NCALD: variants seen among roughly 807,000 people sequenced by gnomAD.
NCALD encodes the protein neurocalcin delta.
A neutral mutation model predicts 18.6 loss-of-function variants in NCALD; 10 were observed. The observed-to-expected ratio is 0.54, with a 90% confidence interval of 0.33 to 0.91. NCALD has a LOEUF of 0.91. Ranked by LOEUF, NCALD falls within the 40% of genes least tolerant of loss-of-function variation. NCALD has a pLI of 0.03. For missense variants in NCALD, 184 were observed against 247.6 expected, an observed-to-expected ratio of 0.74 and a Z score of 1.72; for synonymous variants, 88 against 87.4, an observed-to-expected ratio of 1.01 and a Z score of -0.04.
intron 1 of NCALD, among the ~76,000 whole-genome samples, chr8:102,036,575 G>T (rs1822873279): frequency 6.6e-6 from 1 of 152,106 alleles, no homozygotes; most frequent in Admixed American, 6.6e-5. Context: ...AGGAGTTTGA[G>T]ACCAGCTTGG....
chr8:102,057,666 A>G (rs1330938527), intron 1 of NCALD, among the ~76,000 whole-genome samples: 7 of 152,174 alleles, frequency 4.6e-5, no homozygotes, highest in Admixed American at 3.9e-4. Context: ...ATGATTTACT[A>G]TTCTTCCCAG....
Position 101,804,865 on chromosome 8 carries a change from G to C in NCALD, c.-20+82276C>G, listed in dbSNP as rs111701806. On this transcript the variant is annotated intron_variant, in intron 4 of 6. Transcript: ENST00000311028. ...GTTCACTTTCACTTTATTGCAGTGG[G>C]CTGGAATCAAACCTGCAATACCTCT... 5.8e-3 allele frequency among the ~76,000 whole-genome samples: 870 copies of C among 151,052 alleles called. 11 individuals are homozygous for C. Among genetic ancestry groups the C allele is most frequent in the African/African-American group, 0.019 (765 of 41,078 alleles).
chr8:101,842,269 G>A (rs1256897757), intron 4 of NCALD, among the ~76,000 whole-genome samples: 1 of 152,078 alleles, frequency 6.6e-6, no homozygotes, highest in Non-Finnish European at 1.5e-5. Flanking sequence ...GGCTTTGGAG[G>A]TTAGGACTTC....
intron 1 of NCALD, among the ~76,000 whole-genome samples, chr8:102,088,753 G>C (rs972167861): frequency 2.0e-5 from 3 of 152,050 alleles, no homozygotes; most frequent in Non-Finnish European, 4.4e-5. Flanking sequence ...TGGAACCCCA[G>C]GAATTAAAAG....
chr8:101,689,058 A>G lies in NCALD; in HGVS notation c.*251T>C, dbSNP rs576829425. 1 of 702,336 alleles carries G rather than the reference A, an allele frequency of 1.4e-6. No homozygotes were observed. The highest frequency in any genetic ancestry group is 2.7e-5 in the East Asian group (1 of 37,284). 43.5% of individuals were successfully genotyped at this position (702,336 alleles called of 1,614,324 possible). On this transcript the variant is annotated 3_prime_UTR_variant, in exon 4 of 4. Transcript: ENST00000220931. The surrounding 1 kb of genome is among the most constrained non-coding windows in gnomAD (Gnocchi z 4.4). ...AGAATAAAAAAAAATAATAGTAACG[A>G]TTAAAAATCATCAAACAATGAACAC...
At chr8:102,073,148 T>A (rs976644752) in intron 1 of NCALD, among the ~76,000 whole-genome samples, 12 of 152,256 alleles carry the variant, frequency 7.9e-5, no homozygotes, top group East Asian at 5.8e-4. Context: ...TAAATCACCC[T>A]TTTATAGCTG....
At chr8:101,969,281 G>C (rs1429403643) in intron 2 of NCALD, among the ~76,000 whole-genome samples, 2 of 152,124 alleles carry the variant, frequency 1.3e-5, no homozygotes, top group East Asian at 1.9e-4. Context: ...CACATTAAAG[G>C]GAGAAATCTC....
At chr8:102,055,008 G>A (rs1329065672) in intron 1 of NCALD, among the ~76,000 whole-genome samples, 2 of 152,018 alleles carry the variant, frequency 1.3e-5, no homozygotes, top group African/African-American at 4.8e-5. Flanking sequence ...TCAGGCTGCT[G>A]GTGTGAGTAG....
intron 2 of NCALD, among the ~76,000 whole-genome samples, chr8:101,930,050 A>G (rs558981292): frequency 6.6e-6 from 1 of 152,232 alleles, no homozygotes; most frequent in African/African-American, 2.4e-5. Context: ...GTGAGACTCC[A>G]TCTCAAAAAA....
chr8:101,815,254 G>A (rs1252144917), intron 4 of NCALD, among the ~76,000 whole-genome samples: 1 of 152,052 alleles, frequency 6.6e-6, no homozygotes, highest in Non-Finnish European at 1.5e-5. Flanking sequence ...GTGTGGTACT[G>A]GTGAAAGTGG....
intron 1 of NCALD, among the ~76,000 whole-genome samples, chr8:102,111,327 G>A (rs899167053): frequency 1.3e-5 from 2 of 151,998 alleles, no homozygotes; most frequent in Non-Finnish European, 2.9e-5. Context: ...AGGGTGAGGC[G>A]GTGGGAACTC....
At chr8:101,906,910 A>C (rs1335931620) in intron 3 of NCALD, among the ~76,000 whole-genome samples, 1 of 152,240 alleles carries the variant, frequency 6.6e-6, no homozygotes, top group East Asian at 1.9e-4. Context: ...TTTTAATGCA[A>C]TGTTTTAAAG....
intron 2 of NCALD, among the ~76,000 whole-genome samples, chr8:101,978,171 T>TA (rs1007270239): frequency 7.2e-5 from 11 of 151,878 alleles, no homozygotes; most frequent in African/African-American, 2.4e-4. Context: ...TTTTTCAAGT[T>TA]AAAAAAATAT....
chr8:101,827,586 TTGCACAACCTCAGGGATTCACAC>T lies in NCALD; in HGVS notation c.-20+59532_-20+59554del, dbSNP rs1813992489. 2.6e-5 allele frequency among the ~76,000 whole-genome samples: 4 copies of T among 152,220 alleles called. No individual in the cohort carries two copies. The South Asian group carries it at 8.3e-4, about 31-fold the overall frequency. ...TACATATCCATAAATCATCACTACA[TTGCACAACCTCAGGGATTCACAC>T]TGCATTCTGTGGGAAAGGCATGTCC... is the stretch of plus-strand genomic sequence containing the variant. On this transcript the variant is annotated intron_variant, in intron 4 of 6. Transcript: ENST00000311028.
chr8:102,074,660 C>T (rs957205883), intron 1 of NCALD, among the ~76,000 whole-genome samples: 3 of 152,144 alleles, frequency 2.0e-5, no homozygotes, highest in Non-Finnish European at 4.4e-5. Flanking sequence ...GCAGCTCTCA[C>T]GTCGGTTCCA....
At chr8:101,703,463 A>G (rs1220984909) in intron 2 of NCALD, among the ~76,000 whole-genome samples, 1 of 152,206 alleles carries the variant, frequency 6.6e-6, no homozygotes, top group East Asian at 1.9e-4. Flanking sequence ...CTTCTGGCCA[A>G]GATAGAGTCA....
chr8:101,689,392 C>A lies in NCALD; in HGVS notation c.499G>T (p.Glu167Ter). The change falls in exon 4 of 4, where the codon GAA becomes TAA. Residue 167 changes from glutamate to a stop codon, truncating the protein, a stop_gained. Coordinates refer to ENST00000220931, the MANE Select transcript of NCALD (RefSeq NM_032041.3). LOFTEE classifies it high-confidence loss of function. The surrounding 1 kb of genome is among the most constrained non-coding windows in gnomAD (Gnocchi z 4.4). ...DTNRDGKLSL[E>*]EFIRGAKSDP... is the part of the protein sequence containing the mutation. ...CTTTTGGCTCCTCGGATGAACTCTTCCAGGGAGAGTTTTCCTAGGAAGCAA... is the reference window on the plus strand; with the variant it reads ...CTTTTGGCTCCTCGGATGAACTCTTACAGGGAGAGTTTTCCTAGGAAGCAA... 1 of 1,607,966 alleles carries A rather than the reference C, an allele frequency of 6.2e-7. No individual in the cohort carries two copies. Among genetic ancestry groups the A allele is most frequent in the Non-Finnish European group, 8.5e-7 (1 of 1,177,284 alleles).
chr8:101,868,298 C>T (rs1815859786), intron 4 of NCALD, among the ~76,000 whole-genome samples: 1 of 152,004 alleles, frequency 6.6e-6, no homozygotes, highest in Non-Finnish European at 1.5e-5. Flanking sequence ...TGAGCTCGCA[C>T]TGACCTTCTC....
intron 2 of NCALD, among the ~76,000 whole-genome samples, chr8:101,990,256 A>G (rs1242919511): frequency 6.6e-6 from 1 of 152,222 alleles, no homozygotes; most frequent in Non-Finnish European, 1.5e-5. Flanking sequence ...ACGTGATGAT[A>G]GCCTTGAGAG....
Sources: gnomAD v4.1 joint callset for allele counts (sites outside exome capture counted in the v4.1 genomes callset) on GRCh38, gnomAD v4.1.1 for gene constraint, Gnocchi (gnomAD v3.1) non-coding constraint, MANE v1.5 for transcripts, NCBI Gene and HGNC (gene_info 2026-07-23, HGNC 2026-07-21) for gene names.